The following NCKIPSD variants were observed in gnomAD, a reference collection of about 807,000 sequenced individuals.
NCKIPSD encodes the protein NCK interacting protein with SH3 domain.
Under a neutral mutation model 73.4 loss-of-function variants are expected in NCKIPSD, and 48 were observed. The observed-to-expected ratio is 0.65, with a 90% CI of 0.52 to 0.83. The LOEUF is 0.83. NCKIPSD is among the 40% of genes least tolerant of loss of function. The pLI is 0.00. For missense variants in NCKIPSD, 884 were observed against 970.2 expected (o/e 0.91, Z 1.18); for synonymous variants, 422 against 403.6 (o/e 1.05, Z -0.54).
At chr3:48,675,043 C>A (rs1294242435) in intron 12 of NCKIPSD, among the ~76,000 whole-genome samples, 1 of 151,998 alleles carries the variant, frequency 6.6e-6, no homozygotes, top group African/African-American at 2.4e-5. Flanking sequence ...AGTCAGAGGC[C>A]CTCTGCTTCT....
rs1559491921 is a variant in NCKIPSD, at chr3:48,678,909, GAGA to G, written c.1757_1759del (p.Phe586del). 1.2e-6 allele frequency: 2 copies of G among 1,614,010 alleles called. No homozygotes were observed. The highest frequency in any genetic ancestry group is 1.3e-5 in the African/African-American group (1 of 75,020). On this transcript the variant is annotated inframe_deletion, in exon 11 of 13. Coordinates refer to ENST00000294129, the MANE Select transcript of NCKIPSD (RefSeq NM_016453.4). Reference sequence around the variant, plus strand: ...GTTCAGGAGCAACAACAGCTTCTCGGAGAAGATCTTGACATTGGCGTGTTTGCT... The same window carrying G: ...GTTCAGGAGCAACAACAGCTTCTCGGAGATCTTGACATTGGCGTGTTTGCT...
Position 48,681,302 on chromosome 3 carries a change from T to C in NCKIPSD, c.1077A>G (p.Ser359=), listed in dbSNP as rs143349092. ...SSPVMEQVLL[S]LVEGKDLSMA... ...CCACCCTCACCTTGCCCTCTACGAG[T>C]GAGAGGAGGACCTGCTCCATGACTG... The change falls in exon 5 of 13, where the codon TCA becomes TCG. Residue 359 remains serine, a synonymous_variant. Coordinates refer to ENST00000294129, the MANE Select transcript of NCKIPSD (RefSeq NM_016453.4). 4 of 1,605,668 alleles carry C rather than the reference T, an allele frequency of 2.5e-6. No homozygotes were observed. In the South Asian group the frequency reaches 3.3e-5, roughly 13 times the overall value.
At position 48,685,685 on chromosome 3, in the gene NCKIPSD, G is replaced by A. The variant is rs990886059; in HGVS notation, c.123C>T (p.Arg41=). 39 of 1,525,956 alleles carry A rather than the reference G, an allele frequency of 2.6e-5. No individual in the cohort carries two copies. The highest frequency in any genetic ancestry group is 3.4e-4 in the Middle Eastern group (2 of 5,930). The allele number at this position is 1,525,956 out of a possible 1,614,324, so 94.5% of individuals were successfully genotyped here. The change falls in exon 1 of 13, where the codon CGC becomes CGT. Residue 41 remains arginine (R), a synonymous_variant. Coordinates refer to ENST00000294129, the MANE Select transcript of NCKIPSD (RefSeq NM_016453.4). The part of the protein sequence containing the change: ...SAHWWLAARA[R]SGETGYVPPA... ...GCGGCACGTAGCCCGTCTCACCACTGCGCGCCCGCGCGGCCAGCCACCAGT... is the reference window on the plus strand; with the variant it reads ...GCGGCACGTAGCCCGTCTCACCACTACGCGCCCGCGCGGCCAGCCACCAGT...
At chr3:48,678,398 C>G (rs1033556253) in intron 12 of NCKIPSD, among the ~76,000 whole-genome samples, 166 bp downstream of exon 12, 2 of 152,200 alleles carry the variant, frequency 1.3e-5, no homozygotes, top group Non-Finnish European at 2.9e-5. Flanking sequence ...TCCAGATCAC[C>G]TCATGGCTGG....
chr3:48,675,546 TC>T (rs1333216902), intron 12 of NCKIPSD, among the ~76,000 whole-genome samples: 162 of 137,142 alleles, frequency 1.2e-3, no homozygotes, highest in African/African-American at 3.6e-3. Context: ...TATATATATA[TC>T]ATTTTTTTTT....
chr3:48,679,301 C>G, intron 9 of NCKIPSD, 76 bp downstream of exon 9: 1 of 1,611,338 alleles, frequency 6.2e-7, no homozygotes, highest in East Asian at 2.2e-5. Context: ...GCTGTGTAGT[C>G]AGCAGGTCCC....
intron 9 of NCKIPSD, 94 bp downstream of exon 9, chr3:48,679,283 C>A: frequency 6.2e-7 from 1 of 1,611,648 alleles, no homozygotes; most frequent in South Asian, 1.1e-5. Context: ...ATAGCCTCTC[C>A]CTGCTAGGCT....
intron 5 of NCKIPSD, among the ~76,000 whole-genome samples, chr3:48,680,732 T>TCAG (rs2077337233): frequency 6.6e-6 from 1 of 152,124 alleles, no homozygotes; most frequent in Non-Finnish European, 1.5e-5. Context: ...CCATCATGTA[T>TCAG]GCTGGGCTCA....
Position 48,685,796 on chromosome 3 carries a change from C to A in NCKIPSD, c.12G>T (p.Ala4=), listed in dbSNP as rs777007701. The stretch of plus-strand genomic sequence containing the variant: ...GCTCCGCCGAGCGGAACGCGTACAG[C>A]GCGCGGTACATGAGGCCGGGCAGGG... The part of the protein sequence containing the change: MYR[A]LYAFRSAEPN... Residue 4 remains alanine, a synonymous_variant, in exon 1 of 13, where the codon GCG becomes GCT. Transcript: ENST00000294129. The A allele has an allele frequency of 1.3e-6, 2 of 1,513,770 alleles. No individual in the cohort carries two copies. The highest frequency in any genetic ancestry group is 2.6e-5 in the East Asian group (1 of 38,322). The allele number at this position is 1,513,770 out of a possible 1,614,324, so 93.8% of individuals were successfully genotyped here. A position where few individuals can be genotyped will look rare whatever the true frequency, so the allele number is the denominator to read the frequency against.
chr3:48,685,585 A>C, intron 1 of NCKIPSD, 52 bp downstream of exon 1: 3 of 1,481,760 alleles, frequency 2.0e-6, no homozygotes, highest in Non-Finnish European at 2.7e-6. Flanking sequence ...CGGGGCTGTG[A>C]AGGGGTCCTG....
At position 48,674,413 on chromosome 3, in the gene NCKIPSD, G is replaced by C; in HGVS notation, c.*131C>G. On this transcript the variant is annotated 3_prime_UTR_variant, in exon 13 of 13. Transcript: ENST00000294129. The stretch of plus-strand genomic sequence containing the variant: ...GCCCCTCTCTTAAGTTCTACTTCAG[G>C]TGGGGGTCCTGCTCAGGTTCCTTCT... 2 of 1,467,246 alleles carry C rather than the reference G, an allele frequency of 1.4e-6. No homozygotes were observed. The highest frequency in any genetic ancestry group is 1.4e-5 in the South Asian group (1 of 71,924). 90.9% of individuals were successfully genotyped at this position (1,467,246 alleles called of 1,614,324 possible). A position where few individuals can be genotyped will look rare whatever the true frequency, so the allele number is the denominator to read the frequency against.
In NCKIPSD at chr3:48,681,771, T is replaced by G. The variant is rs545085136; in HGVS notation, c.608A>C (p.Asn203Thr). The G allele has an allele frequency of 1.3e-6, 2 of 1,502,224 alleles. No individual in the cohort carries two copies. The highest frequency in any genetic ancestry group is 1.4e-5 in the South Asian group (1 of 73,750). 93.1% of individuals were successfully genotyped at this position (1,502,224 alleles called of 1,614,324 possible). ...ALMASGSGGH[N>T]TMPSGGNSVS... ...AGAGTTACCCCCGGAGGGCATGGTG[T>G]TGTGGCCACCTGCGAGCAGTGAGTA... Residue 203 changes from asparagine to threonine, a missense_variant, in exon 5 of 13, where the codon AAC becomes ACC. Transcript: ENST00000294129.
intron 9 of NCKIPSD, 24 bp from the exon 10 acceptor site, chr3:48,679,207 C>T: frequency 6.2e-7 from 1 of 1,612,986 alleles, no homozygotes; most frequent in Non-Finnish European, 8.5e-7. Flanking sequence ...GCACAGAAGT[C>T]TGCAGCCCCA....
intron 12 of NCKIPSD, 115 bp downstream of exon 12, chr3:48,678,449 T>A (rs1210920873): frequency 1.5e-6 from 2 of 1,342,576 alleles, no homozygotes; most frequent in South Asian, 1.5e-5. Context: ...CCTCCTACAC[T>A]TACCTGGCTC....
chr3:48,684,019 C>CACACACACACACACACACACACACAG (rs563262573), intron 1 of NCKIPSD, among the ~76,000 whole-genome samples: 12 of 141,340 alleles, frequency 8.5e-5, no homozygotes, highest in African/African-American at 3.3e-4. Flanking sequence ...CACACACACA[C>CACACACACACACACACACACACACAG]AGAGAGAGAG....
chr3:48,680,955 G>C (rs9877794), intron 5 of NCKIPSD, among the ~76,000 whole-genome samples: 29,862 of 151,852 alleles, frequency 0.2, 4,209 homozygotes, highest in African/African-American at 0.4. Flanking sequence ...CCACCCGCAT[G>C]TCGTCTTATC....
In NCKIPSD at chr3:48,680,227, G is replaced by T; in HGVS notation, c.1095C>A (p.Asp365Glu). ...QVLLSLVEGK[D>E]LSMALPSGQV... ...GCCCTGAGGGCAGGGCCATGCTGAG[G>T]TCCTAGAGGGAGAGGGCAAGGCATG... The change falls in exon 6 of 13, where the codon GAC (aspartate) becomes GAA (glutamate). Residue 365 changes from aspartate (D) to glutamate (E), a missense_variant and splice_region_variant. Transcript: ENST00000294129. 3.7e-6 allele frequency: 6 copies of T among 1,605,718 alleles called. No homozygotes were observed. The highest frequency in any genetic ancestry group is 5.1e-6 in the Non-Finnish European group (6 of 1,174,908).
At chr3:48,674,784 A>C in intron 12 of NCKIPSD, 37 bp from the exon 13 acceptor site, 1 of 1,604,198 alleles carries the variant, frequency 6.2e-7, no homozygotes, top group Non-Finnish European at 8.5e-7. Flanking sequence ...GACCCCAGGG[A>C]GGTACTGCAA....
At chr3:48,682,600 A>C in intron 2 of NCKIPSD, 48 bp from the exon 3 acceptor site, 100 of 1,595,774 alleles carry the variant, frequency 6.3e-5, no homozygotes, top group African/African-American at 9.4e-5. Flanking sequence ...CTCACAGCTC[A>C]AAGTCCTCAT....
Sources: gnomAD v4.1 joint callset for allele counts (sites outside exome capture counted in the v4.1 genomes callset) on GRCh38, gnomAD v4.1.1 for gene constraint, MANE v1.5 for transcripts, NCBI Gene and HGNC (gene_info 2026-07-23, HGNC 2026-07-21) for gene names.